The following CRB1 variants were observed in gnomAD, a reference collection of about 807,000 sequenced individuals.
CRB1 encodes protein crumbs homolog 1.
In CRB1, 83 loss-of-function variants were observed where a neutral mutation model predicts 120.0. The observed-to-expected ratio is 0.69, with a 90% confidence interval of 0.58 to 0.83. The LOEUF is 0.83. CRB1 is among the 40% of genes least tolerant of loss of function. The pLI is 0.00. For synonymous variants in CRB1, 625 were observed against 612.5 expected, an observed-to-expected ratio of 1.02 and a Z score of -0.30; for missense variants, 1,699 against 1,687.6, an observed-to-expected ratio of 1.01 and a Z score of -0.12.
At chr1:197,472,256 C>T (rs987699731) in intron 11 of CRB1, among the ~76,000 whole-genome samples, 1 of 152,226 alleles carries the variant, frequency 6.6e-6, no homozygotes, top group Non-Finnish European at 1.5e-5. Context: ...GATATACATA[C>T]AACTGAATTC....
At chr1:197,309,722 C>G (rs1288412579) in intron 1 of CRB1, among the ~76,000 whole-genome samples, 1 of 150,982 alleles carries the variant, frequency 6.6e-6, no homozygotes, top group Non-Finnish European at 1.5e-5. Flanking sequence ...TCACTGCACT[C>G]CAGCCTGATA....
Position 197,434,877 on chromosome 1 carries a change from A to G in CRB1, c.3014A>G (p.Asp1005Gly), listed in dbSNP as rs369184026. 8 of 1,613,728 alleles carry G rather than the reference A, an allele frequency of 5.0e-6. No homozygotes were observed. The highest frequency in any genetic ancestry group is 3.3e-5 in the Admixed American group (2 of 59,938). The change falls in exon 9 of 12, where the codon GAT (aspartate) becomes GGT (glycine). Residue 1005 changes from aspartate to glycine, a missense_variant. By Grantham distance (94) the Asp-to-Gly change is moderately conservative (BLOSUM62 -1). Transcript: ENST00000367400. ...EPEFLNISIQ[D>G]SRLFFQLQSG... ...GAATTTCTTAATATTAGCATTCAAG[A>G]TTCCAGATTATTCTTTCAATTGCAA...
At chr1:197,419,526 C>T (rs1186145501) in intron 5 of CRB1, among the ~76,000 whole-genome samples, 1 of 151,892 alleles carries the variant, frequency 6.6e-6, no homozygotes. Flanking sequence ...CCATGCTTGG[C>T]CAGTTTTTGT....
At chr1:197,426,662 G>T (rs761488900) in intron 6 of CRB1, among the ~76,000 whole-genome samples, 11 of 152,086 alleles carry the variant, frequency 7.2e-5, no homozygotes, top group Non-Finnish European at 1.3e-4. Flanking sequence ...AATGCAGGGT[G>T]GGTTTAATAC....
At chr1:197,237,841 A>C in the CRB1 span, among the ~76,000 whole-genome samples, 2 of 151,976 alleles carry the variant, frequency 1.3e-5, no homozygotes, top group Non-Finnish European at 2.9e-5. Context: ...TTTTGTTTTC[A>C]ATTTTATTGA....
chr1:197,355,134 G>A (rs541703062), intron 4 of CRB1, among the ~76,000 whole-genome samples: 1 of 152,018 alleles, frequency 6.6e-6, no homozygotes, highest in East Asian at 2.0e-4. Context: ...CCTTAAGCTA[G>A]ACACAGAGTG....
the CRB1 span, among the ~76,000 whole-genome samples, chr1:197,228,800 G>A: frequency 1.3e-5 from 2 of 152,274 alleles, no homozygotes; most frequent in Admixed American, 1.3e-4. Context: ...AGAAAAAGAG[G>A]TTTAATTGGA....
the CRB1 span, among the ~76,000 whole-genome samples, chr1:197,224,535 A>G: frequency 1.3e-5 from 2 of 152,294 alleles, no homozygotes; most frequent in South Asian, 4.1e-4. Flanking sequence ...CTTTAAATAA[A>G]TGAAATTTCA....
chr1:197,216,651 AACTAGGGC>A, the CRB1 span, among the ~76,000 whole-genome samples: 4 of 152,202 alleles, frequency 2.6e-5, no homozygotes, highest in Non-Finnish European at 4.4e-5. Context: ...TATTTATTTA[AACTAGGGC>A]ACTGGAAATT....
intron 6 of CRB1, among the ~76,000 whole-genome samples, chr1:197,427,105 G>C (rs1465915610): frequency 1.3e-5 from 2 of 152,162 alleles, no homozygotes; most frequent in African/African-American, 4.8e-5. Flanking sequence ...AGTAGTGTCT[G>C]ATATACCACC....
chr1:197,266,673 C>G (rs1654644138), upstream of CRB1, among the ~76,000 whole-genome samples: 1 of 152,116 alleles, frequency 6.6e-6, no homozygotes, highest in East Asian at 1.9e-4. Context: ...TATATAATTC[C>G]TATAACCATC....
chr1:197,375,862 C>T (rs1245959513), intron 5 of CRB1, among the ~76,000 whole-genome samples: 1 of 152,124 alleles, frequency 6.6e-6, no homozygotes, highest in Non-Finnish European at 1.5e-5. Context: ...TTCTGTATTC[C>T]ACCCTCCTCT....
chr1:197,432,134 A>C (rs978830953), intron 8 of CRB1, among the ~76,000 whole-genome samples: 1 of 152,154 alleles, frequency 6.6e-6, no homozygotes, highest in Non-Finnish European at 1.5e-5. Flanking sequence ...GGTGAAGTAC[A>C]AAAGTGATTA....
chr1:197,406,599 G>A (rs1259897716), intron 5 of CRB1, among the ~76,000 whole-genome samples: 1 of 152,002 alleles, frequency 6.6e-6, no homozygotes, highest in Non-Finnish European at 1.5e-5. Flanking sequence ...AAAAAATAAT[G>A]TGCTCAATAT....
At chr1:197,305,741 A>T (rs1472333075) in intron 1 of CRB1, among the ~76,000 whole-genome samples, 3 of 151,954 alleles carry the variant, frequency 2.0e-5, no homozygotes, top group African/African-American at 4.8e-5. Context: ...TCTTGAGCTA[A>T]AACTATTCAA....
At chr1:197,342,666 A>C (rs1304297218) in intron 2 of CRB1, among the ~76,000 whole-genome samples, 1 of 152,122 alleles carries the variant, frequency 6.6e-6, no homozygotes, top group Non-Finnish European at 1.5e-5. Context: ...AGTGAATTTA[A>C]GGTTATTCTA....
intron 5 of CRB1, among the ~76,000 whole-genome samples, chr1:197,362,839 A>G (rs867970848): frequency 2.0e-4 from 31 of 152,130 alleles, no homozygotes; most frequent in African/African-American, 6.3e-4. Flanking sequence ...CATCTTGCCA[A>G]TTTCTGCCTT....
At chr1:197,453,813 TGTTA>T (rs1453720731) in intron 11 of CRB1, among the ~76,000 whole-genome samples, 1 of 32,390 alleles carries the variant, frequency 3.1e-5, no homozygotes, top group Non-Finnish European at 1.2e-4. Context: ...AATAATATAT[TGTTA>T]ATTATTAATT....
At chr1:197,471,934 T>C (rs1419515952) in intron 11 of CRB1, among the ~76,000 whole-genome samples, 2 of 152,200 alleles carry the variant, frequency 1.3e-5, no homozygotes, top group Non-Finnish European at 2.9e-5. Flanking sequence ...TATTCCTTTT[T>C]TAAAAAAGTT....
Sources: allele counts gnomAD v4.1 joint callset (sites outside exome capture counted in the v4.1 genomes callset), GRCh38; gene constraint gnomAD v4.1.1; transcripts MANE v1.5; gene names NCBI Gene and HGNC (gene_info 2026-07-23, HGNC 2026-07-21).